Variants in SLC25A21 observed in about 807,000 individuals in gnomAD.
The protein encoded by SLC25A21 is solute carrier family 25 member 21.
Under a neutral mutation model 43.8 loss-of-function variants are expected in SLC25A21, and 47 were observed. The ratio of observed to expected loss-of-function variants is 1.07; its 90% CI spans 0.85 to 1.37. The LOEUF (loss-of-function observed/expected upper bound fraction) is 1.37. Among genes scored for constraint, SLC25A21 ranks in the 40% most tolerant of loss-of-function variants. SLC25A21 has a pLI of 0.00. For synonymous variants in SLC25A21, 131 were observed against 121.3 expected (o/e 1.08, Z -0.52); for missense variants, 352 against 350.2 (o/e 1.00, Z -0.04).
chr14:36,879,043 ACT>A (rs1389910673), intron 1 of SLC25A21, among the ~76,000 whole-genome samples: 3 of 152,128 alleles, frequency 2.0e-5, no homozygotes, highest in Admixed American at 6.5e-5. Context: ...CTTTTCTTAG[ACT>A]CTCTAGCTGA....
At chr14:36,910,625 C>G (rs1891662973) in intron 1 of SLC25A21, among the ~76,000 whole-genome samples, 2 of 151,992 alleles carry the variant, frequency 1.3e-5, no homozygotes, top group South Asian at 4.2e-4. Context: ...AGGTTATTAC[C>G]TGGGGGAATT....
At chr14:37,038,322 G>A (rs1276805309) in intron 1 of SLC25A21, among the ~76,000 whole-genome samples, 1 of 152,088 alleles carries the variant, frequency 6.6e-6, no homozygotes, top group Non-Finnish European at 1.5e-5. Context: ...GAATAATAGG[G>A]TTGGCAAAAT....
intron 1 of SLC25A21, among the ~76,000 whole-genome samples, chr14:37,090,445 C>T (rs1201497856): frequency 4.6e-5 from 7 of 152,180 alleles, no homozygotes; most frequent in Non-Finnish European, 8.8e-5. Context: ...CAGCTCAAAG[C>T]TATGCTTAGT....
Position 36,680,046 on chromosome 14 carries a change from T to G in SLC25A21, c.*612A>C. ...GAGATATAAAGTAGATGTAGGAAAATAGAGCTGATATGTGCATAGTTACTA... is the reference window on the plus strand; with the variant it reads ...GAGATATAAAGTAGATGTAGGAAAAGAGAGCTGATATGTGCATAGTTACTA... On this transcript the variant is annotated 3_prime_UTR_variant, in exon 10 of 10. Coordinates refer to ENST00000331299, the MANE Select transcript of SLC25A21 (RefSeq NM_030631.4). 9.2e-6 allele frequency: 8 copies of G among 865,872 alleles called. No homozygotes were observed. The highest frequency in any genetic ancestry group is 1.1e-5 in the Non-Finnish European group (8 of 722,086). The allele number at this position is 865,872 out of a possible 1,614,324, so 53.6% of individuals were successfully genotyped here.
intron 2 of SLC25A21, among the ~76,000 whole-genome samples, chr14:36,866,255 T>C (rs848042): frequency 0.4 from 61,145 of 152,014 alleles, 12,640 homozygotes; most frequent in East Asian, 0.55. Flanking sequence ...GAACTACAGG[T>C]CCACTGCTGT....
At chr14:36,767,683 C>T (rs2139292169) in intron 3 of SLC25A21, among the ~76,000 whole-genome samples, 1 of 152,288 alleles carries the variant, frequency 6.6e-6, no homozygotes, top group Non-Finnish European at 1.5e-5. Context: ...ATGCTCTTTT[C>T]CTCCCAATCC....
intron 1 of SLC25A21, among the ~76,000 whole-genome samples, chr14:37,122,173 T>C (rs921144166): frequency 2.0e-5 from 3 of 152,238 alleles, no homozygotes; most frequent in Non-Finnish European, 2.9e-5. Flanking sequence ...GCAGGACTAA[T>C]GTCCTACCAA....
intron 3 of SLC25A21, among the ~76,000 whole-genome samples, chr14:36,796,930 C>T (rs1887695103): frequency 1.3e-5 from 2 of 152,140 alleles, no homozygotes; most frequent in Admixed American, 1.3e-4. Flanking sequence ...ACTCTGCAAC[C>T]ACTCCTTAGC....
intron 1 of SLC25A21, among the ~76,000 whole-genome samples, chr14:37,129,158 C>T (rs909865659): frequency 1.3e-5 from 2 of 152,170 alleles, no homozygotes; most frequent in Admixed American, 6.6e-5. Context: ...GATACGAGAA[C>T]TATCACTTCC....
intron 2 of SLC25A21, among the ~76,000 whole-genome samples, chr14:36,854,750 T>C (rs1399287639): frequency 6.6e-6 from 1 of 152,084 alleles, no homozygotes; most frequent in East Asian, 1.9e-4. Flanking sequence ...AAAAGACTGG[T>C]TGGGATCCTA....
At chr14:36,843,700 G>A (rs921801107) in intron 2 of SLC25A21, among the ~76,000 whole-genome samples, 5 of 152,160 alleles carry the variant, frequency 3.3e-5, no homozygotes, top group African/African-American at 1.2e-4. Context: ...ATTACCAAAT[G>A]TTGTCACTTC....
intron 1 of SLC25A21, among the ~76,000 whole-genome samples, chr14:36,937,724 G>A (rs945570000): frequency 6.6e-5 from 10 of 152,124 alleles, no homozygotes; most frequent in African/African-American, 2.4e-4. Flanking sequence ...AATGGAGGAA[G>A]AATCAGCCAC....
intron 1 of SLC25A21, among the ~76,000 whole-genome samples, chr14:37,040,695 C>T (rs1961453432): frequency 6.6e-6 from 1 of 151,624 alleles, no homozygotes; most frequent in African/African-American, 2.4e-5. Flanking sequence ...AACAAAGTAG[C>T]CCAGATGAGA....
At chr14:36,867,311 T>C (rs554831898) in intron 2 of SLC25A21, among the ~76,000 whole-genome samples, 5 of 152,202 alleles carry the variant, frequency 3.3e-5, no homozygotes, top group African/African-American at 1.2e-4. Flanking sequence ...CCTTTTTCAA[T>C]GAAGACGACA....
chr14:37,083,469 T>A (rs1238032791), intron 1 of SLC25A21, among the ~76,000 whole-genome samples: 1 of 152,206 alleles, frequency 6.6e-6, no homozygotes, highest in Non-Finnish European at 1.5e-5. Flanking sequence ...CAGTGCCAAC[T>A]GTTTTATCAC....
chr14:37,068,841 C>T (rs965983177), intron 1 of SLC25A21, among the ~76,000 whole-genome samples: 2 of 152,012 alleles, frequency 1.3e-5, no homozygotes, highest in Admixed American at 1.3e-4. Flanking sequence ...CTTGAGACTC[C>T]CCAAACATTA....
chr14:37,095,233 T>C (rs1594790033), intron 1 of SLC25A21, among the ~76,000 whole-genome samples: 1 of 152,170 alleles, frequency 6.6e-6, no homozygotes, highest in East Asian at 1.9e-4. Context: ...AACTACACTA[T>C]TCGGCCAGGC....
intron 3 of SLC25A21, among the ~76,000 whole-genome samples, chr14:36,813,141 T>A (rs868081628): frequency 1.3e-5 from 2 of 152,252 alleles, no homozygotes; most frequent in African/African-American, 4.8e-5. Context: ...TTGTTACACA[T>A]GCCATGGTGG....
chr14:36,772,558 G>C (rs1198972532), intron 3 of SLC25A21, among the ~76,000 whole-genome samples: 4 of 152,158 alleles, frequency 2.6e-5, no homozygotes, highest in Non-Finnish European at 5.9e-5. Context: ...CTTATGTGAA[G>C]AGCAGAGAAC....
Sources: gnomAD v4.1 joint callset for allele counts (sites outside exome capture counted in the v4.1 genomes callset) on GRCh38, gnomAD v4.1.1 for gene constraint, MANE v1.5 for transcripts, NCBI Gene and HGNC (gene_info 2026-07-23, HGNC 2026-07-21) for gene names.